Variants in CPA6 observed in about 807,000 individuals in gnomAD.
CPA6 encodes the protein carboxypeptidase A6, also known as carboxypeptidase B.
In CPA6, 58 loss-of-function variants were observed where a neutral mutation model predicts 63.3. That is an observed-to-expected ratio of 0.92 (90% CI 0.74 to 1.14). The LOEUF is 1.14. Among genes scored for constraint, CPA6 ranks in the 50% most tolerant of loss-of-function variants. CPA6 has a pLI of 0.00. For synonymous variants in CPA6, 185 were observed against 179.0 expected (o/e 1.03, Z -0.27); for missense variants, 565 against 526.6 (o/e 1.07, Z -0.71).
At chr8:67,502,430 T>C (rs1014691046) in intron 6 of CPA6, among the ~76,000 whole-genome samples, 1 of 152,230 alleles carries the variant, frequency 6.6e-6, no homozygotes, top group Non-Finnish European at 1.5e-5. Context: ...GCTACTGCAC[T>C]CCAGTCAGCT....
chr8:67,460,719 A>C (rs1019824081), intron 8 of CPA6, among the ~76,000 whole-genome samples: 2 of 152,260 alleles, frequency 1.3e-5, no homozygotes, highest in African/African-American at 4.8e-5. Context: ...CATTATAATA[A>C]AATATATCAC....
intron 2 of CPA6, among the ~76,000 whole-genome samples, chr8:67,589,545 G>A (rs73692170): frequency 0.069 from 10,565 of 152,176 alleles, 670 homozygotes; most frequent in African/African-American, 0.17. Context: ...AACTTCAAAT[G>A]TATCTAATTT....
intron 1 of CPA6, among the ~76,000 whole-genome samples, chr8:67,695,472 T>A (rs1816896770): frequency 6.6e-6 from 1 of 152,216 alleles, no homozygotes. Context: ...TTACTTTGGA[T>A]ATAAATTCGC....
chr8:67,713,915 G>C (rs1045154639), intron 1 of CPA6, among the ~76,000 whole-genome samples: 1 of 152,028 alleles, frequency 6.6e-6, no homozygotes, highest in Non-Finnish European at 1.5e-5. Context: ...CTTAGCACAG[G>C]GACTAAGCTG....
intron 8 of CPA6, among the ~76,000 whole-genome samples, chr8:67,461,322 A>G (rs917677418): frequency 3.0e-4 from 44 of 145,864 alleles, no homozygotes; most frequent in Non-Finnish European, 5.2e-4. Context: ...CACCGCCCTT[A>G]ATCCATTTAA....
Position 67,571,151 on chromosome 8 carries a change from T to C in CPA6, c.192+53025A>G, listed in dbSNP as rs953667505. 3.3e-5 allele frequency among the ~76,000 whole-genome samples: 5 copies of C among 152,224 alleles called. No homozygotes were observed. In the South Asian group the frequency reaches 6.2e-4, roughly 19 times the overall value. On this transcript the variant is annotated intron_variant, in intron 2 of 10. Coordinates refer to ENST00000297770, the MANE Select transcript of CPA6 (RefSeq NM_020361.5). ...AAGAGGTCACTTCATCAAGAGGACA[T>C]AAAAATTATAAACACATGTGCACTC...
At chr8:67,664,315 T>G (rs540739492) in intron 1 of CPA6, among the ~76,000 whole-genome samples, 3 of 152,352 alleles carry the variant, frequency 2.0e-5, no homozygotes, top group African/African-American at 7.2e-5. Flanking sequence ...TTGGAGACTT[T>G]CATGCCAAAT....
chr8:67,425,715 C>A (rs958054598), intron 10 of CPA6, among the ~76,000 whole-genome samples: 1 of 152,082 alleles, frequency 6.6e-6, no homozygotes, highest in Non-Finnish European at 1.5e-5. Context: ...TAAAATGACT[C>A]TTCTGCTTCT....
At chr8:67,673,385 T>TTATTTA (rs1251575325) in intron 1 of CPA6, among the ~76,000 whole-genome samples, 7 of 133,250 alleles carry the variant, frequency 5.3e-5, no homozygotes, top group African/African-American at 2.3e-4. Flanking sequence ...TTATTATTTA[T>TTATTTA]TTATTTTTTT....
chr8:67,479,391 C>A (rs752223596), intron 8 of CPA6, among the ~76,000 whole-genome samples: 2 of 152,194 alleles, frequency 1.3e-5, no homozygotes, highest in South Asian at 2.1e-4. Context: ...GGTTTATAAA[C>A]CTCTGTACCC....
intron 1 of CPA6, among the ~76,000 whole-genome samples, chr8:67,713,099 GTATATATATATATATATATA>G (rs67842734): frequency 0.018 from 982 of 55,064 alleles, 55 homozygotes; most frequent in African/African-American, 0.069. Flanking sequence ...GTGTGTGTGT[GTATATATATATATATATATA>G]TATATATATA....
At chr8:67,687,565 T>C (rs540153620) in intron 1 of CPA6, among the ~76,000 whole-genome samples, 2 of 152,342 alleles carry the variant, frequency 1.3e-5, no homozygotes, top group East Asian at 3.9e-4. Context: ...GGGTTGTTGG[T>C]TGTATGAATT....
At chr8:67,426,045 C>T (rs753107632) in intron 10 of CPA6, among the ~76,000 whole-genome samples, 5 of 151,810 alleles carry the variant, frequency 3.3e-5, no homozygotes, top group Non-Finnish European at 7.4e-5. Context: ...TACAGGCACC[C>T]GCTACCTCTG....
intron 1 of CPA6, among the ~76,000 whole-genome samples, chr8:67,716,569 A>G (rs1343554147): frequency 6.6e-6 from 1 of 152,220 alleles, no homozygotes; most frequent in East Asian, 1.9e-4. Context: ...CAGAGGAAGC[A>G]ATCAGATATG....
rs181855662 is a variant in CPA6 at position 67,580,635 on chromosome 8, C to T, written c.192+43541G>A. 5.3e-5 allele frequency among the ~76,000 whole-genome samples: 8 copies of T among 152,202 alleles called. No individual in the cohort carries two copies. In the East Asian group the frequency reaches 1.4e-3, roughly 26 times the overall value. On this transcript the variant is annotated intron_variant, in intron 2 of 10. Coordinates refer to ENST00000297770, the MANE Select transcript of CPA6 (RefSeq NM_020361.5). ...TAGTTCTTGAAATTGAGTGAGTGTA[C>T]GTACATGCATGTGTGAGCGTCTATT... is the stretch of plus-strand genomic sequence containing the variant.
intron 1 of CPA6, among the ~76,000 whole-genome samples, chr8:67,664,193 T>C (rs1326722285): frequency 6.6e-6 from 1 of 152,234 alleles, no homozygotes; most frequent in East Asian, 1.9e-4. Context: ...AAACTAAGAC[T>C]GCCATTCTTA....
Position 67,506,908 on chromosome 8 carries a change from C to T in CPA6, c.535-20G>A, listed in dbSNP as rs142207936. The stretch of plus-strand genomic sequence containing the variant: ...GCCCAGCTGAAAACAAGAGCATTCA[C>T]AGTAACCAACTCAGGCTTTTAGATT... On this transcript the variant is annotated intron_variant, in intron 5 of 10. Transcript: ENST00000297770. The T allele has an allele frequency of 6.3e-4, 973 of 1,536,904 alleles. 5 individuals are homozygous for T. In the African/African-American group the frequency reaches 0.011, roughly 18 times the overall value.
At chr8:67,451,136 G>T (rs1810548726) in intron 8 of CPA6, among the ~76,000 whole-genome samples, 1 of 152,140 alleles carries the variant, frequency 6.6e-6, no homozygotes, top group Admixed American at 6.5e-5. Context: ...TTGTACCTTA[G>T]ACCAGGGGTC....
At chr8:67,741,885 G>A (rs889675231) in intron 1 of CPA6, among the ~76,000 whole-genome samples, 14 of 151,960 alleles carry the variant, frequency 9.2e-5, no homozygotes, top group African/African-American at 2.4e-4. Context: ...AACCACCCCC[G>A]CCACAACCGT....
Sources: allele counts gnomAD v4.1 joint callset (sites outside exome capture counted in the v4.1 genomes callset), GRCh38; gene constraint gnomAD v4.1.1; transcripts MANE v1.5; gene names NCBI Gene and HGNC (gene_info 2026-07-23, HGNC 2026-07-21).